The following GABBR2 variants were observed in gnomAD, a reference collection of about 807,000 sequenced individuals.
GABBR2 encodes the protein gamma-aminobutyric acid type B receptor subunit 2, also known as G-protein coupled receptor 51.
Under a neutral mutation model 105.6 loss-of-function variants are expected in GABBR2, and 23 were observed. The ratio of observed to expected loss-of-function variants is 0.22; its 90% CI spans 0.16 to 0.31. GABBR2 has a LOEUF of 0.31. GABBR2 is among the 10% of genes least tolerant of loss of function. The probability of loss-of-function intolerance (pLI) is 1.00; values close to 1 mark genes in which losing one functional copy is unlikely to be tolerated. For synonymous variants in GABBR2, 478 were observed against 499.7 expected, an observed-to-expected ratio of 0.96 and a Z score of 0.58; for missense variants, 734 against 1,245.5, an observed-to-expected ratio of 0.59 and a Z score of 6.18.
intron 13 of GABBR2, 146 bp downstream of exon 13, chr9:98,362,569 A>C (rs1831604667): frequency 1.9e-6 from 1 of 521,362 alleles, no homozygotes; most frequent in Non-Finnish European, 3.1e-6. Flanking sequence ...CCTCCCTGGA[A>C]TTACATGTCT....
chr9:98,560,155 C>A (rs568905039), intron 2 of GABBR2, among the ~76,000 whole-genome samples: 3 of 151,958 alleles, frequency 2.0e-5, no homozygotes, highest in Non-Finnish European at 4.4e-5. Flanking sequence ...ACTATGGAAT[C>A]ATATAAAAGT....
In GABBR2 at chr9:98,619,440, G is replaced by A. The variant is rs575248926; in HGVS notation, c.322-41368C>T. On this transcript the variant is annotated intron_variant, in intron 1 of 18. Transcript: ENST00000259455. ...AGGCAGGTAACAGGATGATCTCAGA[G>A]GTCTTGTCTAGCTCTAAAATTCTAT... Among the ~76,000 whole-genome samples, 20 of 152,228 alleles carry A rather than the reference G, an allele frequency of 1.3e-4. No homozygotes were observed. In the South Asian group the frequency reaches 3.9e-3, roughly 30 times the overall value.
chr9:98,635,479 G>A (rs1464686361), intron 1 of GABBR2, among the ~76,000 whole-genome samples: 1 of 152,178 alleles, frequency 6.6e-6, no homozygotes, highest in Non-Finnish European at 1.5e-5. Context: ...ACAACCATGA[G>A]GGAGACAGAG....
chr9:98,608,097 C>T, intron 1 of GABBR2: 2 of 1,309,812 alleles, frequency 1.5e-6, no homozygotes, highest in South Asian at 2.5e-5. Flanking sequence ...TCTTCGAGAA[C>T]CTTGGAAAAG....
intron 7 of GABBR2, among the ~76,000 whole-genome samples, chr9:98,414,898 T>G (rs1187458436): frequency 6.6e-6 from 1 of 152,130 alleles, no homozygotes; most frequent in East Asian, 1.9e-4. Context: ...AGTGGGGACA[T>G]GAGACAGAGG....
chr9:98,692,865 A>T (rs1029016726), intron 1 of GABBR2, among the ~76,000 whole-genome samples: 1 of 152,182 alleles, frequency 6.6e-6, no homozygotes, highest in East Asian at 1.9e-4. Flanking sequence ...ATTCAGTAAC[A>T]CCCTGGTAAC....
chr9:98,399,795 G>A (rs1053295539), intron 8 of GABBR2, among the ~76,000 whole-genome samples: 2 of 152,156 alleles, frequency 1.3e-5, no homozygotes, highest in African/African-American at 4.8e-5. Context: ...TACTTGCAAA[G>A]CCTAAAGCCA....
intron 16 of GABBR2, among the ~76,000 whole-genome samples, chr9:98,301,519 C>T (rs1254708614): frequency 1.3e-5 from 2 of 152,182 alleles, no homozygotes; most frequent in Non-Finnish European, 2.9e-5. Context: ...ATGTCAGGAA[C>T]ACAGCCATGA....
intron 1 of GABBR2, among the ~76,000 whole-genome samples, chr9:98,593,572 C>T (rs1170392398): frequency 6.6e-6 from 1 of 152,138 alleles, no homozygotes; most frequent in African/African-American, 2.4e-5. Flanking sequence ...GGAGGGGGTG[C>T]TGGGTCCAGG....
intron 7 of GABBR2, among the ~76,000 whole-genome samples, chr9:98,439,638 G>GCATA (rs1227213385): frequency 6.6e-6 from 1 of 152,184 alleles, no homozygotes; most frequent in Non-Finnish European, 1.5e-5. Flanking sequence ...ATGCATGCAT[G>GCATA]TGAGTGTGTT....
intron 2 of GABBR2, among the ~76,000 whole-genome samples, chr9:98,576,482 CCT>C (rs1447938093): frequency 6.6e-6 from 1 of 152,154 alleles, no homozygotes; most frequent in Non-Finnish European, 1.5e-5. Flanking sequence ...ATCTCATCAC[CCT>C]GTTTCCTTCT....
intron 7 of GABBR2, among the ~76,000 whole-genome samples, chr9:98,414,129 G>A (rs375706527): frequency 9.9e-5 from 15 of 152,104 alleles, no homozygotes; most frequent in Admixed American, 2.0e-4. Context: ...ATAAACACAC[G>A]GATAAATAGA....
intron 8 of GABBR2, among the ~76,000 whole-genome samples, chr9:98,397,236 T>C (rs998864767): frequency 2.6e-5 from 4 of 152,204 alleles, no homozygotes; most frequent in Non-Finnish European, 5.9e-5. Flanking sequence ...CTGCAGGTGG[T>C]GGGAAGTTAA....
intron 6 of GABBR2, among the ~76,000 whole-genome samples, chr9:98,455,368 T>C (rs779889604): frequency 6.6e-6 from 1 of 152,100 alleles, no homozygotes; most frequent in Non-Finnish European, 1.5e-5. Context: ...CTGCCAGAAA[T>C]GTCATCAGGG....
At position 98,341,468 on chromosome 9, in the gene GABBR2, TACA is replaced by T. The variant is rs375839580; in HGVS notation, c.1893+21244_1893+21246del. Among the ~76,000 whole-genome samples the T allele has an allele frequency of 1.2e-4, 19 of 152,278 alleles. No homozygotes were observed. In the South Asian group the frequency reaches 3.3e-3, roughly 27 times the overall value. On this transcript the variant is annotated intron_variant, in intron 13 of 18. Transcript: ENST00000259455. ...AGACAGCACACATTAAAAGCCTAAATACAACAGGACAGTTAAAAATAAAGACGA... is the reference window on the plus strand; with the variant it reads ...AGACAGCACACATTAAAAGCCTAAATACAGGACAGTTAAAAATAAAGACGA...
At chr9:98,480,456 C>T (rs1456184552) in intron 5 of GABBR2, among the ~76,000 whole-genome samples, 1 of 152,142 alleles carries the variant, frequency 6.6e-6, no homozygotes, top group Non-Finnish European at 1.5e-5. Flanking sequence ...ATCATAGTTG[C>T]TTCACATGGT....
chr9:98,578,026 T>G lies in GABBR2; in HGVS notation c.368A>C (p.Tyr123Ser), dbSNP rs1828945187. ...GLKAFYDAIK[Y>S]GPNHLMVFGG... is the part of the protein sequence containing the mutation. ...AAACACCATCAAGTGGTTAGGCCCG[T>G]ATTTTATTGCATCGTAGAAGGCTTT... Residue 123 changes from tyrosine to serine, a missense_variant, in exon 2 of 19, where the codon TAC becomes TCC. Around this residue, in one of 7 missense-constraint regions of GABBR2, gnomAD observed 370 missense variants for 648.9 expected, o/e 0.57. Coordinates refer to ENST00000259455, the MANE Select transcript of GABBR2 (RefSeq NM_005458.8). The G allele has an allele frequency of 6.2e-7, 1 of 1,614,030 alleles. No individual in the cohort carries two copies. Among genetic ancestry groups the G allele is most frequent in the Non-Finnish European group, 8.5e-7 (1 of 1,179,888 alleles).
intron 13 of GABBR2, among the ~76,000 whole-genome samples, chr9:98,325,075 C>T (rs12115641): frequency 0.013 from 1,904 of 152,236 alleles, 37 homozygotes; most frequent in African/African-American, 0.043. Flanking sequence ...TCTCTGCCAA[C>T]GGCCCACTGT....
intron 11 of GABBR2, among the ~76,000 whole-genome samples, chr9:98,377,121 G>T (rs988404487): frequency 6.9e-6 from 1 of 145,832 alleles, no homozygotes; most frequent in African/African-American, 2.8e-5. Context: ...TGCAGAATGA[G>T]CAAGAGGCCT....
Sources: gnomAD v4.1 joint callset for allele counts (sites outside exome capture counted in the v4.1 genomes callset) on GRCh38, gnomAD v4.1.1 for gene constraint, gnomAD v4.1.1 regional missense constraint, MANE v1.5 for transcripts, NCBI Gene and HGNC (gene_info 2026-07-23, HGNC 2026-07-21) for gene names.